The following FNDC3B variants were observed in gnomAD, a reference collection of about 807,000 sequenced individuals.
FNDC3B encodes the protein fibronectin type III domain-containing protein 3B.
FNDC3B carries 12 observed loss-of-function variants against 151.5 expected under a neutral mutation model. The ratio of observed to expected loss-of-function variants is 0.08; its 90% CI spans 0.05 to 0.13. The LOEUF (loss-of-function observed/expected upper bound fraction) is 0.13. Ranked by LOEUF, FNDC3B falls within the 10% of genes least tolerant of loss-of-function variation. The probability of loss-of-function intolerance (pLI) is 1.00; values close to 1 mark genes in which losing one functional copy is unlikely to be tolerated. For synonymous variants in FNDC3B, 528 were observed against 549.0 expected, an observed-to-expected ratio of 0.96 and a Z score of 0.54; for missense variants, 1,214 against 1,505.3, an observed-to-expected ratio of 0.81 and a Z score of 3.20.
intron 4 of FNDC3B, among the ~76,000 whole-genome samples, chr3:172,233,122 A>T (rs1330210924): frequency 5.3e-5 from 8 of 152,154 alleles, no homozygotes; most frequent in Non-Finnish European, 1.2e-4. Flanking sequence ...AGATGCTTTG[A>T]GTTTTATTTT....
At chr3:172,294,406 A>G (rs1423578197) in intron 7 of FNDC3B, among the ~76,000 whole-genome samples, 1 of 152,234 alleles carries the variant, frequency 6.6e-6, no homozygotes, top group African/African-American at 2.4e-5. Context: ...GGGGAAGCAG[A>G]CATGTCTTAC....
chr3:172,231,327 T>C (rs919419388), intron 4 of FNDC3B, among the ~76,000 whole-genome samples: 10 of 152,232 alleles, frequency 6.6e-5, no homozygotes, highest in Middle Eastern at 3.2e-3. Context: ...GTATGCTGTT[T>C]CTTTGCGGAG....
intron 7 of FNDC3B, among the ~76,000 whole-genome samples, chr3:172,287,980 A>G (rs1020426249): frequency 2.6e-5 from 4 of 152,222 alleles, no homozygotes; most frequent in Non-Finnish European, 5.9e-5. Context: ...AGCTCTATCC[A>G]TGACAGTCTG....
intron 1 of FNDC3B, among the ~76,000 whole-genome samples, chr3:172,110,527 T>C (rs749596894): frequency 1.3e-4 from 19 of 151,952 alleles, no homozygotes; most frequent in Non-Finnish European, 2.6e-4. Flanking sequence ...AGTGAGGCCC[T>C]GAAATGGGTT....
At chr3:172,296,177 A>C (rs1349850265) in intron 8 of FNDC3B, among the ~76,000 whole-genome samples, 1 of 152,204 alleles carries the variant, frequency 6.6e-6, no homozygotes, top group African/African-American at 2.4e-5. Context: ...AGGAAATCAG[A>C]AAGTTAGTTT....
chr3:172,238,852 TC>T (rs1727306028), intron 4 of FNDC3B, among the ~76,000 whole-genome samples: 1 of 152,184 alleles, frequency 6.6e-6, no homozygotes. Context: ...GTTTGATCTT[TC>T]TGTATAAATG....
intron 3 of FNDC3B, among the ~76,000 whole-genome samples, chr3:172,206,684 A>AAAAAAAAAG (rs1553772985): frequency 5.7e-5 from 8 of 139,450 alleles, no homozygotes; most frequent in African/African-American, 1.9e-4. Flanking sequence ...AAAAAAAAAA[A>AAAAAAAAAG]AAAGTATATT....
chr3:172,096,525 G>T (rs969656742), intron 1 of FNDC3B, among the ~76,000 whole-genome samples: 1 of 152,118 alleles, frequency 6.6e-6, no homozygotes, highest in African/African-American at 2.4e-5. Context: ...CAGAGTCCAG[G>T]ACCCTAGAGG....
intron 2 of FNDC3B, among the ~76,000 whole-genome samples, chr3:172,129,331 T>A (rs1720956336): frequency 6.6e-6 from 1 of 152,146 alleles, no homozygotes; most frequent in South Asian, 2.1e-4. Flanking sequence ...TGACTGGTAA[T>A]TTTTTTATTT....
intron 1 of FNDC3B, among the ~76,000 whole-genome samples, chr3:172,042,591 C>T (rs192833533): frequency 2.0e-5 from 3 of 152,288 alleles, no homozygotes; most frequent in African/African-American, 7.2e-5. Context: ...TACATTATCT[C>T]ATTAAAATTC....
At chr3:172,256,462 C>T (rs1023604432) in intron 6 of FNDC3B, among the ~76,000 whole-genome samples, 6 of 152,292 alleles carry the variant, frequency 3.9e-5, no homozygotes, top group East Asian at 1.9e-4. Context: ...TTCTTGTGTA[C>T]GGAGTATTAT....
chr3:172,180,894 C>CG (rs1560004784), intron 3 of FNDC3B, among the ~76,000 whole-genome samples: 1 of 151,726 alleles, frequency 6.6e-6, no homozygotes, highest in African/African-American at 2.4e-5. Flanking sequence ...TCCTCAGAAG[C>CG]GGGAAAAATT....
chr3:172,342,635 C>A (rs897860523), intron 17 of FNDC3B, among the ~76,000 whole-genome samples: 9 of 151,996 alleles, frequency 5.9e-5, no homozygotes, highest in Non-Finnish European at 2.9e-5. Flanking sequence ...ATTTATGGTA[C>A]CATTTTAAAA....
chr3:172,189,298 C>G (rs1724378576), intron 3 of FNDC3B, among the ~76,000 whole-genome samples: 2 of 152,182 alleles, frequency 1.3e-5, no homozygotes, highest in Admixed American at 1.3e-4. Context: ...TGATTTCCCA[C>G]TTAGAACAAA....
intron 11 of FNDC3B, chr3:172,317,184 T>G (rs931403205): frequency 4.5e-6 from 2 of 441,800 alleles, no homozygotes; most frequent in Non-Finnish European, 8.9e-6. Flanking sequence ...TCTTTTTCTT[T>G]TTTTCTTTTT....
chr3:172,383,746 T>G (rs923425286), intron 25 of FNDC3B, among the ~76,000 whole-genome samples: 6 of 152,194 alleles, frequency 3.9e-5, no homozygotes, highest in Non-Finnish European at 8.8e-5. Context: ...AGAAATTAGT[T>G]TTATCATGTT....
At chr3:172,348,501 A>C (rs897996702) in intron 21 of FNDC3B, among the ~76,000 whole-genome samples, 7 of 152,216 alleles carry the variant, frequency 4.6e-5, no homozygotes, top group Non-Finnish European at 8.8e-5. Context: ...ATGCTGAGTC[A>C]CTGGGGAAAG....
intron 1 of FNDC3B, among the ~76,000 whole-genome samples, chr3:172,086,723 C>G (rs1332084285): frequency 6.6e-6 from 1 of 152,208 alleles, no homozygotes; most frequent in Non-Finnish European, 1.5e-5. Flanking sequence ...AAAAGGCATT[C>G]TCTAGTGAAC....
Position 172,092,360 on chromosome 3 carries a change from G to A in FNDC3B, c.-28-20092G>A, listed in dbSNP as rs1718880248. 2.0e-5 allele frequency among the ~76,000 whole-genome samples: 3 copies of A among 152,160 alleles called. No individual in the cohort carries two copies. In the South Asian group the frequency reaches 6.2e-4, roughly 32 times the overall value. ...CTTGTGTTAGGTATACATTTTCTGA[G>A]CCTTAACAAAAAGATTCTTCCTTAA... On this transcript the variant is annotated intron_variant, in intron 1 of 25. Coordinates refer to ENST00000415807, the MANE Select transcript of FNDC3B (RefSeq NM_022763.4).
Sources: gnomAD v4.1 joint callset for allele counts (sites outside exome capture counted in the v4.1 genomes callset) on GRCh38, gnomAD v4.1.1 for gene constraint, MANE v1.5 for transcripts, NCBI Gene and HGNC (gene_info 2026-07-23, HGNC 2026-07-21) for gene names.